The following B3GALT5 variants were observed in gnomAD, a reference collection of about 807,000 sequenced individuals.
The protein encoded by B3GALT5 is UDP-Gal:betaGlcNAc beta 1,3-galactosyltransferase, polypeptide 5.
For missense variants in B3GALT5, 328 were observed against 396.6 expected, an observed-to-expected ratio of 0.83 and a Z score of 1.47; for synonymous variants, 156 against 158.6, an observed-to-expected ratio of 0.98 and a Z score of 0.12.
chr21:39,618,412 C>T (rs1445649568), intron 1 of B3GALT5, among the ~76,000 whole-genome samples: 1 of 152,174 alleles, frequency 6.6e-6, no homozygotes, highest in East Asian at 1.9e-4. Flanking sequence ...ACATACTATA[C>T]CTCTAACTCA....
intron 1 of B3GALT5, among the ~76,000 whole-genome samples, chr21:39,632,393 G>A (rs996231686): frequency 6.6e-6 from 1 of 152,190 alleles, no homozygotes; most frequent in Non-Finnish European, 1.5e-5. Flanking sequence ...AGTGGGTTGA[G>A]GTTAATTACG....
Position 39,614,940 on chromosome 21 carries a change from T to C in B3GALT5, c.-392+1873T>C, listed in dbSNP as rs112942411. On this transcript the variant is annotated intron_variant, in intron 1 of 3. Coordinates refer to ENST00000684187, the MANE Select transcript of B3GALT5 (RefSeq NM_001356336.2). ...GGCTTTATCAGCCTCTCTCCCCGGG[T>C]GACCGGGATACTGATGAGGATGGAG... Among the ~76,000 whole-genome samples the C allele has an allele frequency of 6.7e-3, 1,017 of 152,256 alleles. 13 individuals carry two copies. The highest frequency in any genetic ancestry group is 0.023 in the African/African-American group (968 of 41,534).
chr21:39,635,708 G>C (rs2079222541), intron 1 of B3GALT5, among the ~76,000 whole-genome samples: 1 of 152,110 alleles, frequency 6.6e-6, no homozygotes, highest in Admixed American at 6.5e-5. Flanking sequence ...TCGAACTCCT[G>C]ACCTCAAGTG....
intron 1 of B3GALT5, among the ~76,000 whole-genome samples, chr21:39,623,153 T>G (rs1336174088): frequency 8.0e-6 from 1 of 124,760 alleles, no homozygotes; most frequent in African/African-American, 3.1e-5. Flanking sequence ...CTTCCTCCCT[T>G]TCTCTTTCTT....
At chr21:39,639,005 A>G (rs1294736037) in intron 1 of B3GALT5, among the ~76,000 whole-genome samples, 2 of 152,182 alleles carry the variant, frequency 1.3e-5, no homozygotes, top group African/African-American at 4.8e-5. Flanking sequence ...TTCAATCTTA[A>G]CAGTAGATGA....
intron 3 of B3GALT5, 72 bp downstream of exon 3, chr21:39,659,984 C>T (rs1569221870): frequency 5.8e-6 from 5 of 866,822 alleles, no homozygotes; most frequent in African/African-American, 3.7e-5. Context: ...ATAGCAGAGA[C>T]GGGTGGGCAG....
In B3GALT5 at chr21:39,614,259, TG is replaced by T. The variant is rs1172083372; in HGVS notation, c.-392+1193del. ...ATATCTTTTAAGGAATGATTGCATGTGTATTAAGTCTTGTTTCCTATCTCCT... is the reference window on the plus strand; with the variant it reads ...ATATCTTTTAAGGAATGATTGCATGTTATTAAGTCTTGTTTCCTATCTCCT... On this transcript the variant is annotated intron_variant, in intron 1 of 3. Transcript: ENST00000684187. 2.0e-4 allele frequency among the ~76,000 whole-genome samples: 30 copies of T among 152,336 alleles called. No homozygotes were observed. The South Asian group carries it at 3.3e-3, about 17-fold the overall frequency.
chr21:39,629,002 A>G (rs2079178314), intron 1 of B3GALT5, among the ~76,000 whole-genome samples: 1 of 151,888 alleles, frequency 6.6e-6, no homozygotes, highest in African/African-American at 2.4e-5. Flanking sequence ...AGAACTCTTA[A>G]CATCCTCTTA....
At chr21:39,630,755 A>T (rs569697010) in intron 1 of B3GALT5, among the ~76,000 whole-genome samples, 22 of 152,280 alleles carry the variant, frequency 1.4e-4, no homozygotes, top group South Asian at 1.0e-3. Flanking sequence ...AGAGAAGGCC[A>T]TGGGGAGGTA....
At chr21:39,659,587 A>G (rs1194721267) in intron 2 of B3GALT5, among the ~76,000 whole-genome samples, 166 bp from the exon 3 acceptor site, 1 of 152,182 alleles carries the variant, frequency 6.6e-6, no homozygotes, top group Non-Finnish European at 1.5e-5. Flanking sequence ...TGCCTTGATC[A>G]TACCCATTTT....
At chr21:39,638,270 A>C (rs987191708) in intron 1 of B3GALT5, among the ~76,000 whole-genome samples, 1 of 152,098 alleles carries the variant, frequency 6.6e-6, no homozygotes, top group African/African-American at 2.4e-5. Flanking sequence ...TGCCTGTAAA[A>C]ACCCCAAGAC....
In B3GALT5 at chr21:39,661,550, C is replaced by T; in HGVS notation, c.*58C>T. 1 of 1,439,868 alleles carries T rather than the reference C, an allele frequency of 6.9e-7. No homozygotes were observed. Among genetic ancestry groups the T allele is most frequent in the South Asian group, 1.7e-5 (1 of 59,862 alleles). The allele number at this position is 1,439,868 out of a possible 1,614,324, so 89.2% of individuals were successfully genotyped here. A position where few individuals can be genotyped will look rare whatever the true frequency, so the allele number is the denominator to read the frequency against. On this transcript the variant is annotated 3_prime_UTR_variant, in exon 4 of 4. Transcript: ENST00000684187. The surrounding 1 kb of genome is among the most constrained non-coding windows in gnomAD (Gnocchi z 4.7). Reference sequence around the variant, plus strand: ...AGATAACCCGTGGGGATAGTTTTTGCTAGATTTTGGAAGAGGGGGCGGGAC... The same window carrying T: ...AGATAACCCGTGGGGATAGTTTTTGTTAGATTTTGGAAGAGGGGGCGGGAC...
At chr21:39,658,865 T>C (rs1023971273) in intron 2 of B3GALT5, among the ~76,000 whole-genome samples, 1 of 67,244 alleles carries the variant, frequency 1.5e-5, no homozygotes, top group Admixed American at 1.6e-4. Flanking sequence ...AGCTCCATTA[T>C]TATATTCCTA....
intron 2 of B3GALT5, among the ~76,000 whole-genome samples, chr21:39,648,688 CT>C (rs1315862456): frequency 1.3e-5 from 2 of 152,208 alleles, no homozygotes; most frequent in African/African-American, 4.8e-5. Context: ...GGGAGATGAT[CT>C]TTGCTATGGA....
chr21:39,639,400 TTTTCTTTCTTTCTTTCTTTCTTTCTTTC>T (rs71330377), intron 1 of B3GALT5, among the ~76,000 whole-genome samples: 1 of 57,200 alleles, frequency 1.7e-5, no homozygotes, highest in Non-Finnish European at 3.5e-5. Flanking sequence ...CCTTCTTTCT[TTTTCTTTCTTTCTTTCTTTCTTTCTTTC>T]TTTCTTTCTT....
chr21:39,643,190 G>T (rs1023066188), intron 1 of B3GALT5, among the ~76,000 whole-genome samples: 1 of 152,158 alleles, frequency 6.6e-6, no homozygotes, highest in Non-Finnish European at 1.5e-5. Flanking sequence ...GGGCCTTGTG[G>T]AGATGCTGAC....
chr21:39,622,635 T>A (rs1194995499), intron 1 of B3GALT5, among the ~76,000 whole-genome samples: 2 of 152,140 alleles, frequency 1.3e-5, no homozygotes, highest in African/African-American at 4.8e-5. Context: ...TCATTTGAAC[T>A]CGCATATAGG....
At chr21:39,635,422 C>A (rs1358487394) in intron 1 of B3GALT5, among the ~76,000 whole-genome samples, 1 of 152,124 alleles carries the variant, frequency 6.6e-6, no homozygotes, top group Non-Finnish European at 1.5e-5. Flanking sequence ...TGTCTGGACA[C>A]CCATGGTTTG....
chr21:39,633,361 G>C (rs1822206287), intron 1 of B3GALT5, among the ~76,000 whole-genome samples: 1 of 152,130 alleles, frequency 6.6e-6, no homozygotes, highest in Admixed American at 6.5e-5. Context: ...TCATTTCCTT[G>C]GTTCTTTGCT....
Sources: gnomAD v4.1 joint callset for allele counts (sites outside exome capture counted in the v4.1 genomes callset) on GRCh38, gnomAD v4.1.1 for gene constraint, Gnocchi (gnomAD v3.1) non-coding constraint, MANE v1.5 for transcripts, NCBI Gene and HGNC (gene_info 2026-07-23, HGNC 2026-07-21) for gene names.